Variants in NRG1 observed in about 807,000 individuals in gnomAD.
NRG1 encodes pro-neuregulin-1, membrane-bound isoform.
A neutral mutation model predicts 63.8 loss-of-function variants in NRG1; 18 were observed. The ratio of observed to expected loss-of-function variants is 0.28; its 90% CI spans 0.19 to 0.42. NRG1 has a LOEUF of 0.42. Ranked by LOEUF, NRG1 falls within the 10% of genes least tolerant of loss-of-function variation. NRG1 has a pLI of 1.00. For synonymous variants in NRG1, 302 were observed against 301.3 expected (o/e 1.00, Z -0.02); for missense variants, 762 against 814.7 (o/e 0.94, Z 0.79).
At chr8:32,643,244 C>T (rs1852775594) in intron 5 of NRG1, among the ~76,000 whole-genome samples, 1 of 152,196 alleles carries the variant, frequency 6.6e-6, no homozygotes, top group Admixed American at 6.5e-5. Context: ...CTTTCTCCCT[C>T]AAGATTTATT....
At chr8:32,276,203 A>G (rs984347387) in intron 1 of NRG1, among the ~76,000 whole-genome samples, 2 of 151,952 alleles carry the variant, frequency 1.3e-5, no homozygotes, top group Non-Finnish European at 2.9e-5. Flanking sequence ...TCACTCTCCC[A>G]TACCCCTCCC....
intron 1 of NRG1, among the ~76,000 whole-genome samples, chr8:32,434,354 C>T (rs1818526402): frequency 1.3e-5 from 2 of 152,018 alleles, no homozygotes; most frequent in South Asian, 4.1e-4. Flanking sequence ...ATTGTTCTGC[C>T]TTTTAATACT....
chr8:32,297,960 G>A (rs1413128014), intron 1 of NRG1, among the ~76,000 whole-genome samples: 1 of 152,176 alleles, frequency 6.6e-6, no homozygotes, highest in African/African-American at 2.4e-5. Context: ...TACTAGAAGC[G>A]AACTAATTCA....
At position 32,463,429 on chromosome 8, in the gene NRG1, T is replaced by C. The variant is rs550927364; in HGVS notation, c.38-132399T>C. Among the ~76,000 whole-genome samples the C allele has an allele frequency of 2.6e-5, 4 of 152,132 alleles. No individual in the cohort carries two copies. In the South Asian group the frequency reaches 8.3e-4, roughly 32 times the overall value. ...CATTCCCTCTGAAAGTGGACAAGGG[T>C]TCCCTTTATTCTACACTCTCACCAA... On this transcript the variant is annotated intron_variant, in intron 1 of 10. Coordinates refer to the NRG1 transcript ENST00000519301.
chr8:32,389,062 A>G (rs1390998274), intron 1 of NRG1, among the ~76,000 whole-genome samples: 1 of 152,162 alleles, frequency 6.6e-6, no homozygotes, highest in African/African-American at 2.4e-5. Flanking sequence ...TTTATTAGTC[A>G]TTGTTGAAAT....
At chr8:31,684,616 T>C (rs1005907989) in intron 1 of NRG1, among the ~76,000 whole-genome samples, 6 of 152,172 alleles carry the variant, frequency 3.9e-5, no homozygotes, top group Non-Finnish European at 7.4e-5. Flanking sequence ...TGCATAGACT[T>C]TTGAGAACCA....
intron 1 of NRG1, among the ~76,000 whole-genome samples, chr8:32,131,365 T>G (rs1834801164): frequency 1.3e-5 from 2 of 152,038 alleles, no homozygotes; most frequent in Non-Finnish European, 2.9e-5. Flanking sequence ...CTGCTCATAC[T>G]AAAGCACCTA....
intron 5 of NRG1, among the ~76,000 whole-genome samples, chr8:32,643,162 C>A (rs2129546044): frequency 6.6e-6 from 1 of 152,238 alleles, no homozygotes; most frequent in South Asian, 2.1e-4. Context: ...TCTTCTTGAT[C>A]CAGGTTGGCA....
intron 1 of NRG1, among the ~76,000 whole-genome samples, chr8:31,949,606 C>T (rs920699954): frequency 6.6e-5 from 10 of 152,178 alleles, no homozygotes; most frequent in African/African-American, 2.4e-4. Context: ...TCATGAGCTG[C>T]TTATCTCCAT....
exon 12 of NRG1, chr8:32,767,044 A>G (rs985556089): frequency 6.6e-6 from 1 of 152,234 alleles, no homozygotes; most frequent in Non-Finnish European, 1.5e-5. Flanking sequence ...CTAAAATCGT[A>G]TCCCACTGAG....
At chr8:32,417,999 C>T (rs1218008444) in intron 1 of NRG1, among the ~76,000 whole-genome samples, 4 of 151,892 alleles carry the variant, frequency 2.6e-5, no homozygotes, top group African/African-American at 9.7e-5. Flanking sequence ...CAGATAAATC[C>T]TTATGATAGT....
At chr8:32,708,758 A>G (rs1375237865) in intron 5 of NRG1, among the ~76,000 whole-genome samples, 1 of 152,204 alleles carries the variant, frequency 6.6e-6, no homozygotes, top group African/African-American at 2.4e-5. Flanking sequence ...CTCTCTTTTA[A>G]GATGACAGGA....
intron 1 of NRG1, among the ~76,000 whole-genome samples, chr8:32,295,272 T>C (rs1274647741): frequency 2.6e-5 from 4 of 152,148 alleles, no homozygotes; most frequent in African/African-American, 9.6e-5. Context: ...GACTGAAATA[T>C]GCATGTCAGA....
At chr8:32,407,319 T>TATATATATATATA (rs71208179) in intron 1 of NRG1, among the ~76,000 whole-genome samples, 2 of 3,648 alleles carry the variant, frequency 5.5e-4, no homozygotes, top group African/African-American at 1.7e-3. Flanking sequence ...TATATATATA[T>TATATATATATATA]TATATATATA....
chr8:32,609,248 C>G (rs1474763868), intron 3 of NRG1, among the ~76,000 whole-genome samples: 1 of 152,104 alleles, frequency 6.6e-6, no homozygotes, highest in African/African-American at 2.4e-5. Flanking sequence ...TCATCTTGAT[C>G]CCTTATCCTC....
intron 1 of NRG1, among the ~76,000 whole-genome samples, chr8:32,366,471 AT>A (rs1459774834): frequency 1.3e-5 from 2 of 151,866 alleles, no homozygotes; most frequent in South Asian, 4.1e-4. Context: ...TGCCTGGCTT[AT>A]TTCACTTAAC....
At chr8:32,567,931 G>T (rs1292080055) in intron 1 of NRG1, among the ~76,000 whole-genome samples, 1 of 152,326 alleles carries the variant, frequency 6.6e-6, no homozygotes, top group East Asian at 1.9e-4. Context: ...AAGGGAGAAG[G>T]GGGAAGAACA....
chr8:32,128,393 C>T (rs546428010), intron 1 of NRG1, among the ~76,000 whole-genome samples: 22 of 152,016 alleles, frequency 1.4e-4, no homozygotes, highest in African/African-American at 4.8e-4. Context: ...TAACAGGACA[C>T]GTTTGCAGTT....
chr8:32,455,258 G>A (rs1174647242), intron 1 of NRG1, among the ~76,000 whole-genome samples: 6 of 152,070 alleles, frequency 3.9e-5, no homozygotes, highest in East Asian at 1.9e-4. Flanking sequence ...AGTTTTCTGC[G>A]GGAATGAAAT....
Sources: gnomAD v4.1 joint callset for allele counts (sites outside exome capture counted in the v4.1 genomes callset) on GRCh38, gnomAD v4.1.1 for gene constraint, MANE v1.5 for transcripts, NCBI Gene and HGNC (gene_info 2026-07-23, HGNC 2026-07-21) for gene names.